ZFYVE1: variants seen among roughly 807,000 people sequenced by gnomAD.
ZFYVE1 encodes zinc finger FYVE domain-containing protein 1.
ZFYVE1 carries 30 observed loss-of-function variants against 74.4 expected under a neutral mutation model. That is an observed-to-expected ratio of 0.40 (90% CI 0.30 to 0.55). ZFYVE1 has a LOEUF of 0.55. Ranked by LOEUF, ZFYVE1 falls within the 20% of genes least tolerant of loss-of-function variation. The pLI is 0.42. For synonymous variants in ZFYVE1, 335 were observed against 385.1 expected (o/e 0.87, Z 1.52); for missense variants, 703 against 1,011.6 (o/e 0.69, Z 4.14).
intron 5 of ZFYVE1, among the ~76,000 whole-genome samples, chr14:72,980,114 C>A (rs2140348384): frequency 6.6e-6 from 1 of 152,312 alleles, no homozygotes; most frequent in Non-Finnish European, 1.5e-5. Context: ...TCCCTCTCCC[C>A]TTTCCAAACT....
At chr14:72,986,279 A>G (rs75768819) in intron 4 of ZFYVE1, among the ~76,000 whole-genome samples, 10,811 of 152,166 alleles carry the variant, frequency 0.071, 527 homozygotes, top group East Asian at 0.19. Context: ...CCAAGGTAAC[A>G]GGTAACCACT....
At chr14:72,988,422 G>A (rs1893533071) in intron 4 of ZFYVE1, among the ~76,000 whole-genome samples, 1 of 151,942 alleles carries the variant, frequency 6.6e-6, no homozygotes. Flanking sequence ...TGATCTGCCT[G>A]CTTCAGCCTC....
intron 2 of ZFYVE1, among the ~76,000 whole-genome samples, chr14:73,006,835 C>T (rs1044220464): frequency 6.6e-6 from 1 of 150,978 alleles, no homozygotes; most frequent in Admixed American, 6.6e-5. Flanking sequence ...CCTGCCTCAG[C>T]CTCCTGAGTA....
intron 3 of ZFYVE1, among the ~76,000 whole-genome samples, chr14:72,995,692 A>T (rs1229282260): frequency 6.6e-6 from 1 of 152,132 alleles, no homozygotes; most frequent in Non-Finnish European, 1.5e-5. Flanking sequence ...CTTATCTTCG[A>T]GGCACTTGCT....
intron 3 of ZFYVE1, among the ~76,000 whole-genome samples, chr14:72,997,488 G>C (rs1455748512): frequency 1.3e-5 from 2 of 152,156 alleles, no homozygotes; most frequent in East Asian, 3.9e-4. Context: ...ACTTGCCACT[G>C]TACCTGGCTT....
At chr14:73,015,796 G>C (rs538981035) in intron 2 of ZFYVE1, among the ~76,000 whole-genome samples, 3 of 152,154 alleles carry the variant, frequency 2.0e-5, no homozygotes, top group African/African-American at 7.2e-5. Flanking sequence ...CAAGCCACAC[G>C]ATGGGTCTTC....
chr14:73,019,421 A>G (rs1269242770), intron 2 of ZFYVE1, among the ~76,000 whole-genome samples: 3 of 152,074 alleles, frequency 2.0e-5, no homozygotes, highest in Non-Finnish European at 4.4e-5. Flanking sequence ...ATCTAAAAAA[A>G]AAATCCCTAT....
chr14:73,023,190 ATATT>A lies in ZFYVE1; in HGVS notation c.483+832_483+835del, dbSNP rs1167733331. ...AATATATATATATATATATATATAT[ATATT>A]TTATATATGTTTTATATATAATATA... On this transcript the variant is annotated intron_variant, in intron 2 of 11. Coordinates refer to ENST00000556143, the MANE Select transcript of ZFYVE1 (RefSeq NM_021260.4). Among the ~76,000 whole-genome samples the A allele has an allele frequency of 1.8e-4, 19 of 105,222 alleles. 1 individual carries two copies. Among genetic ancestry groups the A allele is most frequent in the Admixed American group, 6.4e-4 (6 of 9,410 alleles). The allele number at this position is 105,222 out of a possible 152,430, so 69.0% of individuals were successfully genotyped here.
chr14:72,991,263 C>T (rs1375687685), intron 4 of ZFYVE1, among the ~76,000 whole-genome samples: 1 of 148,086 alleles, frequency 6.8e-6, no homozygotes, highest in African/African-American at 2.5e-5. Context: ...CATCTCGGCT[C>T]ACTGCAAGCT....
intron 2 of ZFYVE1, among the ~76,000 whole-genome samples, chr14:73,002,514 C>G (rs374946215): frequency 6.6e-6 from 1 of 151,844 alleles, no homozygotes; most frequent in Admixed American, 6.6e-5. Context: ...ATGATCTTGG[C>G]TCACTGCAAC....
chr14:72,998,012 C>A lies in ZFYVE1; in HGVS notation c.787G>T (p.Val263Phe), dbSNP rs150030612. ...LLKVLAISDL[V>F]IYRTHADRLH... The stretch of plus-strand genomic sequence containing the variant: ...CGGTCTGCATGAGTTCGATAGATGA[C>A]GAGGTCTGAGATGGCCAGGACCTTA... Residue 263 changes from valine to phenylalanine, a missense_variant, in exon 3 of 12, where the codon GTC becomes TTC. Transcript: ENST00000556143. 1 of 1,614,058 alleles carries A rather than the reference C, an allele frequency of 6.2e-7. No homozygotes were observed. Among genetic ancestry groups the A allele is most frequent in the East Asian group, 2.2e-5 (1 of 44,874 alleles).
intron 2 of ZFYVE1, among the ~76,000 whole-genome samples, chr14:73,012,906 T>C (rs1392691857): frequency 6.6e-6 from 1 of 152,024 alleles, no homozygotes; most frequent in Non-Finnish European, 1.5e-5. Context: ...AGATAACATA[T>C]TCATGAGACA....
chr14:72,990,598 G>A (rs901246891), intron 4 of ZFYVE1, among the ~76,000 whole-genome samples: 12 of 148,380 alleles, frequency 8.1e-5, no homozygotes, highest in Non-Finnish European at 1.8e-4. Context: ...GTTGCTCCAT[G>A]TTGGTCAGGC....
chr14:72,988,037 C>G (rs1893522845), intron 4 of ZFYVE1, among the ~76,000 whole-genome samples: 2 of 152,140 alleles, frequency 1.3e-5, no homozygotes, highest in South Asian at 4.1e-4. Context: ...AAAAACTGTT[C>G]TTCTCATTCA....
chr14:72,971,303 G>A (rs143252569), intron 11 of ZFYVE1, among the ~76,000 whole-genome samples, 189 bp from the exon 12 acceptor site: 7 of 152,288 alleles, frequency 4.6e-5, no homozygotes, highest in East Asian at 1.9e-4. Context: ...TGGGGCTGTC[G>A]CATAGGCACT....
intron 4 of ZFYVE1, among the ~76,000 whole-genome samples, chr14:72,985,313 G>A (rs982525341): frequency 2.7e-5 from 4 of 147,028 alleles, no homozygotes; most frequent in African/African-American, 1.0e-4. Context: ...ATGCCACCAT[G>A]CCCCAATAAT....
At chr14:72,983,355 C>T (rs1367753541) in intron 4 of ZFYVE1, among the ~76,000 whole-genome samples, 6 of 133,802 alleles carry the variant, frequency 4.5e-5, no homozygotes, top group East Asian at 2.5e-4. Context: ...CCCTCCCCCC[C>T]ACCCCACCAC....
In ZFYVE1 at chr14:73,024,714, T is replaced by C; in HGVS notation, c.-206A>G. The C allele has an allele frequency of 3.0e-6, 2 of 657,868 alleles. No individual in the cohort carries two copies. Among genetic ancestry groups the C allele is most frequent in the South Asian group, 5.5e-5 (2 of 36,342 alleles). The allele number at this position is 657,868 out of a possible 1,614,324, so 40.8% of individuals were successfully genotyped here. Reference sequence around the variant, plus strand: ...TTTGCTGCCTCTAAGACTCTTGTATTAGCAGCAACGTTGATTTGGTTTGAT... The same window carrying C: ...TTTGCTGCCTCTAAGACTCTTGTATCAGCAGCAACGTTGATTTGGTTTGAT... On this transcript the variant is annotated 5_prime_UTR_variant, in exon 2 of 12. It removes the in-frame stop codon of an upstream open reading frame in the 5' UTR. Transcript: ENST00000556143.
At chr14:73,016,542 T>A (rs2140386157) in intron 2 of ZFYVE1, among the ~76,000 whole-genome samples, 1 of 150,038 alleles carries the variant, frequency 6.7e-6, no homozygotes, top group East Asian at 2.0e-4. Flanking sequence ...AAAGGATCTG[T>A]AAGTCCTTTG....
Sources: gnomAD v4.1 joint callset for allele counts (sites outside exome capture counted in the v4.1 genomes callset) on GRCh38, gnomAD v4.1.1 for gene constraint, MANE v1.5 for transcripts, NCBI Gene and HGNC (gene_info 2026-07-23, HGNC 2026-07-21) for gene names.